The following RBM27 variants were observed in gnomAD, a reference collection of about 807,000 sequenced individuals.
RBM27 encodes the protein RNA-binding protein 27.
In RBM27, 22 loss-of-function variants were observed where a neutral mutation model predicts 135.3. The ratio of observed to expected loss-of-function variants is 0.16; its 90% CI spans 0.12 to 0.23. RBM27 has a LOEUF of 0.23. Among genes scored for constraint, RBM27 ranks in the 10% least tolerant of loss-of-function variants. The pLI, the probability that RBM27 is intolerant of heterozygous loss-of-function variation, is 1.00. For synonymous variants in RBM27, 481 were observed against 442.4 expected (o/e 1.09, Z -1.10); for missense variants, 1,009 against 1,281.0 (o/e 0.79, Z 3.24).
At chr5:146,230,202 C>T (rs1756869801) in intron 5 of RBM27, among the ~76,000 whole-genome samples, 1 of 152,140 alleles carries the variant, frequency 6.6e-6, no homozygotes, top group Non-Finnish European at 1.5e-5. Context: ...AAAGCTATCA[C>T]GTGAGGAAGA....
intron 12 of RBM27, chr5:146,261,283 C>G (rs1758384740): frequency 1.2e-5 from 7 of 589,412 alleles, no homozygotes; most frequent in South Asian, 1.1e-4. Context: ...CAGGGCAGAT[C>G]TCTTTCTCTT....
chr5:146,266,745 A>G (rs1157305794), intron 14 of RBM27, among the ~76,000 whole-genome samples: 2 of 152,046 alleles, frequency 1.3e-5, no homozygotes, highest in African/African-American at 4.8e-5. Flanking sequence ...AGACCAGCCT[A>G]GGCAACATAG....
rs13182489 is a variant in RBM27, at chr5:146,260,756, A to G, written c.1751A>G (p.Asn584Ser). Residue 584 changes from asparagine to serine, a missense_variant, in exon 12 of 21, where the codon AAC becomes AGC. Around this residue, in one of 6 missense-constraint regions of RBM27, gnomAD observed 329 missense variants for 368.1 expected, o/e 0.89. Transcript: ENST00000265271. Reference sequence around the variant, plus strand: ...AATCTTCCTTTTAGGCAAGGAAATAACAATCAAAATAAACCAGGGTTCTTA... The same window carrying G: ...AATCTTCCTTTTAGGCAAGGAAATAGCAATCAAAATAAACCAGGGTTCTTA... ...KKPWLGKQGN[N>S]NQNKPGFLRK... The G allele has an allele frequency of 6.2e-7, 1 of 1,605,242 alleles. No homozygotes were observed. Among genetic ancestry groups the G allele is most frequent in the South Asian group, 1.1e-5 (1 of 88,810 alleles).
At chr5:146,260,636 G>C in intron 11 of RBM27, 109 bp from the exon 12 acceptor site, 1 of 857,580 alleles carries the variant, frequency 1.2e-6, no homozygotes, top group Non-Finnish European at 1.7e-6. Flanking sequence ...ACCATGCCCA[G>C]CCACAAAAGG....
At chr5:146,271,145 A>G in intron 18 of RBM27, 87 bp downstream of exon 18, 1 of 945,334 alleles carries the variant, frequency 1.1e-6, no homozygotes, top group Admixed American at 2.1e-5. Flanking sequence ...TCACGCCTGT[A>G]ATCTCAGCAC....
chr5:146,211,465 T>TTTTTTTTTG, intron 1 of RBM27, among the ~76,000 whole-genome samples: 1 of 22,046 alleles, frequency 4.5e-5, no homozygotes, highest in Non-Finnish European at 8.6e-5. Context: ...TGGTCTTATC[T>TTTTTTTTTG]TTTTTTTTTT....
intron 19 of RBM27, 136 bp from the exon 20 acceptor site, chr5:146,284,486 C>T: frequency 3.0e-6 from 2 of 665,350 alleles, no homozygotes; most frequent in East Asian, 2.7e-5. Context: ...TTTTTTAGCT[C>T]TCATTGGAGA....
intron 14 of RBM27, among the ~76,000 whole-genome samples, chr5:146,264,240 A>G (rs184690716): frequency 3.3e-5 from 5 of 152,084 alleles, no homozygotes; most frequent in Non-Finnish European, 5.9e-5. Flanking sequence ...CTGGAGTGCA[A>G]TGGCACAATC....
intron 8 of RBM27, among the ~76,000 whole-genome samples, chr5:146,242,004 T>C (rs1362791935): frequency 3.3e-5 from 5 of 152,140 alleles, no homozygotes; most frequent in African/African-American, 1.2e-4. Flanking sequence ...TTGCCCAGGC[T>C]GGTCTCAAAC....
chr5:146,240,041 G>T (rs999616953), intron 8 of RBM27, among the ~76,000 whole-genome samples: 1 of 151,708 alleles, frequency 6.6e-6, no homozygotes, highest in Non-Finnish European at 1.5e-5. Flanking sequence ...CGTCCCAAAG[G>T]GTTGGGATTA....
At chr5:146,215,034 G>C (rs1414495993) in intron 1 of RBM27, among the ~76,000 whole-genome samples, 1 of 152,108 alleles carries the variant, frequency 6.6e-6, no homozygotes. Context: ...CTAAATATAT[G>C]TAAAAGATAT....
At chr5:146,279,508 G>A (rs1759239444) in intron 19 of RBM27, among the ~76,000 whole-genome samples, 1 of 150,258 alleles carries the variant, frequency 6.7e-6, no homozygotes, top group Admixed American at 6.6e-5. Flanking sequence ...GTATGCAAAT[G>A]GTTAAAAGGA....
intron 19 of RBM27, among the ~76,000 whole-genome samples, chr5:146,276,438 G>A (rs893559700): frequency 6.6e-6 from 1 of 151,934 alleles, no homozygotes; most frequent in African/African-American, 2.4e-5. Context: ...GTTCTTACTG[G>A]CAAAAACCTC....
chr5:146,285,858 GTA>G, intron 20 of RBM27, 87 bp from the exon 21 acceptor site: 1 of 899,422 alleles, frequency 1.1e-6, no homozygotes, highest in South Asian at 1.5e-5. Flanking sequence ...CCTGGGCTTT[GTA>G]TACTAGCCTG....
chr5:146,237,223 C>T, intron 7 of RBM27, 75 bp from the exon 8 acceptor site: 3 of 1,558,316 alleles, frequency 1.9e-6, no homozygotes, highest in Non-Finnish European at 2.6e-6. Context: ...CAGGTGTGAG[C>T]CACTGCTCCT....
chr5:146,284,943 C>G (rs921897846), intron 20 of RBM27, among the ~76,000 whole-genome samples: 6 of 152,040 alleles, frequency 3.9e-5, no homozygotes, highest in African/African-American at 1.4e-4. Context: ...ATAGGAAAGA[C>G]TGTTCTTTTT....
At chr5:146,230,077 A>G (rs943152604) in intron 5 of RBM27, among the ~76,000 whole-genome samples, 167 bp downstream of exon 5, 1 of 152,302 alleles carries the variant, frequency 6.6e-6, no homozygotes, top group East Asian at 1.9e-4. Flanking sequence ...ACAGGGCTCT[A>G]TTCTGGGGAT....
At chr5:146,216,323 C>T (rs1017741003) in intron 1 of RBM27, among the ~76,000 whole-genome samples, 1 of 152,122 alleles carries the variant, frequency 6.6e-6, no homozygotes, top group Non-Finnish European at 1.5e-5. Flanking sequence ...CACACCCAAC[C>T]ATAATATTTT....
intron 20 of RBM27, among the ~76,000 whole-genome samples, chr5:146,285,612 T>A (rs1759548039): frequency 6.6e-6 from 1 of 152,118 alleles, no homozygotes; most frequent in South Asian, 2.1e-4. Context: ...TTTTCCTAAT[T>A]TTTTATAGAA....
Sources: allele counts gnomAD v4.1 joint callset (sites outside exome capture counted in the v4.1 genomes callset), GRCh38; gene constraint gnomAD v4.1.1; regional missense constraint gnomAD v4.1.1; transcripts MANE v1.5; gene names NCBI Gene and HGNC (gene_info 2026-07-23, HGNC 2026-07-21).